The following TNKS variants were observed in gnomAD, a reference collection of about 807,000 sequenced individuals.
The protein encoded by TNKS is poly [ADP-ribose] polymerase tankyrase-1.
A neutral mutation model predicts 135.8 loss-of-function variants in TNKS; 72 were observed. The observed-to-expected ratio is 0.53, with a 90% confidence interval of 0.44 to 0.64. The LOEUF is 0.64. Ranked by LOEUF, TNKS falls within the 30% of genes least tolerant of loss-of-function variation. TNKS has a pLI of 0.00. For synonymous variants in TNKS, 849 were observed against 649.3 expected (o/e 1.31, Z -4.68); for missense variants, 1,769 against 1,674.0 (o/e 1.06, Z -0.99).
chr8:9,732,337 C>T (rs564438494), intron 14 of TNKS, among the ~76,000 whole-genome samples: 4 of 152,212 alleles, frequency 2.6e-5, no homozygotes, highest in Non-Finnish European at 2.9e-5. Flanking sequence ...TATTAATTCC[C>T]GTGTTCTGAG....
chr8:9,651,838 C>T (rs1205431186), intron 3 of TNKS, among the ~76,000 whole-genome samples: 1 of 152,156 alleles, frequency 6.6e-6, no homozygotes, highest in South Asian at 2.1e-4. Flanking sequence ...TAACATACTG[C>T]TGATCCTAGG....
In TNKS at chr8:9,647,472, C is replaced by T. The variant is rs924579090; in HGVS notation, c.994+31795C>T. Among the ~76,000 whole-genome samples, 17 of 152,018 alleles carry T rather than the reference C, an allele frequency of 1.1e-4. 1 individual carries two copies. Among genetic ancestry groups the T allele is most frequent in the Admixed American group, 2.0e-4 (3 of 15,260 alleles). ...CTTTTGCCACTGTTGAGCAAAAATACGGAAAAGTAAAATACTCTAAATGGA... is the reference window on the plus strand; with the variant it reads ...CTTTTGCCACTGTTGAGCAAAAATATGGAAAAGTAAAATACTCTAAATGGA... On this transcript the variant is annotated intron_variant, in intron 3 of 26. Transcript: ENST00000310430.
intron 21 of TNKS, 22 bp from the exon 22 acceptor site, chr8:9,763,125 T>C (rs796454263): frequency 1.4e-6 from 2 of 1,430,394 alleles, no homozygotes; most frequent in Non-Finnish European, 9.7e-7. Context: ...TTGTTTTATA[T>C]GTTAATTTTT....
At position 9,751,791 on chromosome 8, in the gene TNKS, A is replaced by AG; in HGVS notation, c.3017dup (p.Ala1007SerfsTer22). On this transcript the variant is annotated frameshift_variant, in exon 19 of 27. Transcript: ENST00000310430. LOFTEE classifies it high-confidence loss of function. Reference sequence around the variant, plus strand: ...GCCCTTTAGCAGAGTTGGCCGTAGGAGGAGCCTCCAATGCAGGGGATGGCG... The same window carrying AG: ...GCCCTTTAGCAGAGTTGGCCGTAGGAGGGAGCCTCCAATGCAGGGGATGGCG... The AG allele has an allele frequency of 6.2e-7, 1 of 1,614,174 alleles. No individual in the cohort carries two copies. Among genetic ancestry groups the AG allele is most frequent in the Non-Finnish European group, 8.5e-7 (1 of 1,180,018 alleles).
At chr8:9,677,880 A>C (rs1435827020) in intron 3 of TNKS, among the ~76,000 whole-genome samples, 1 of 151,726 alleles carries the variant, frequency 6.6e-6, no homozygotes, top group Non-Finnish European at 1.5e-5. Flanking sequence ...CCTTTCTTTC[A>C]CTGTGGTAGC....
intron 3 of TNKS, among the ~76,000 whole-genome samples, chr8:9,653,611 A>G (rs1801228497): frequency 1.3e-5 from 2 of 152,034 alleles, no homozygotes; most frequent in South Asian, 2.1e-4. Flanking sequence ...ATTCAGTCCC[A>G]TGAGGGAGAA....
At chr8:9,676,215 G>C (rs527903321) in intron 3 of TNKS, among the ~76,000 whole-genome samples, 6 of 152,098 alleles carry the variant, frequency 3.9e-5, no homozygotes, top group Admixed American at 3.9e-4. Flanking sequence ...GTTTCACCAT[G>C]TTGGCCAGGC....
chr8:9,595,118 G>A (rs1282157239), intron 2 of TNKS, among the ~76,000 whole-genome samples: 1 of 150,356 alleles, frequency 6.7e-6, no homozygotes, highest in African/African-American at 2.5e-5. Context: ...TATAAAACCT[G>A]AATTGGTATT....
intron 2 of TNKS, among the ~76,000 whole-genome samples, chr8:9,601,985 A>G (rs1479202932): frequency 1.1e-4 from 17 of 152,010 alleles, no homozygotes; most frequent in Admixed American, 1.1e-3. Context: ...GTCCATAGGA[A>G]CCTAAAGAGT....
chr8:9,763,863 C>G (rs1285068088), intron 22 of TNKS, among the ~76,000 whole-genome samples: 1 of 152,098 alleles, frequency 6.6e-6, no homozygotes, highest in East Asian at 1.9e-4. Context: ...ATGCACATAC[C>G]TAGGCAGAAA....
intron 13 of TNKS, among the ~76,000 whole-genome samples, chr8:9,730,689 T>C (rs993370088): frequency 1.3e-5 from 2 of 152,236 alleles, no homozygotes; most frequent in South Asian, 2.1e-4. Flanking sequence ...TAATTTGCTC[T>C]GTACATAATA....
intron 13 of TNKS, among the ~76,000 whole-genome samples, chr8:9,728,376 C>A (rs1463321310): frequency 6.6e-6 from 1 of 151,992 alleles, no homozygotes; most frequent in Non-Finnish European, 1.5e-5. Flanking sequence ...CTTTGCCATT[C>A]GAAAGAAAAC....
At chr8:9,696,301 A>C (rs1803511724) in intron 5 of TNKS, among the ~76,000 whole-genome samples, 2 of 152,166 alleles carry the variant, frequency 1.3e-5, no homozygotes, top group Non-Finnish European at 2.9e-5. Flanking sequence ...GAAAATAAGG[A>C]GTGTGGTGAA....
At chr8:9,617,990 T>G (rs1488527548) in intron 3 of TNKS, among the ~76,000 whole-genome samples, 4 of 124,390 alleles carry the variant, frequency 3.2e-5, no homozygotes, top group Non-Finnish European at 7.0e-5. Context: ...TTTGGTTTTT[T>G]TTTTTTTTTT....
At chr8:9,761,234 C>G in intron 20 of TNKS, among the ~76,000 whole-genome samples, 1 of 152,130 alleles carries the variant, frequency 6.6e-6, no homozygotes, top group Non-Finnish European at 1.5e-5. Context: ...ACAAAATAAT[C>G]TAAAGGAAAT....
chr8:9,650,117 C>G (rs1801088962), intron 3 of TNKS, among the ~76,000 whole-genome samples: 1 of 151,958 alleles, frequency 6.6e-6, no homozygotes. Context: ...GTTTCAAATT[C>G]CTGACCTCAG....
At chr8:9,615,023 A>T (rs1484964975) in intron 2 of TNKS, among the ~76,000 whole-genome samples, 1 of 152,150 alleles carries the variant, frequency 6.6e-6, no homozygotes, top group Non-Finnish European at 1.5e-5. Flanking sequence ...TCCTTTTTGC[A>T]GCTCCACGCC....
intron 5 of TNKS, among the ~76,000 whole-genome samples, chr8:9,687,457 T>C (rs1302555769): frequency 1.3e-5 from 2 of 152,218 alleles, no homozygotes; most frequent in East Asian, 3.8e-4. Flanking sequence ...TATATTCATT[T>C]TGTACCAATG....
chr8:9,735,371 A>G lies in TNKS; in HGVS notation c.2534-6A>G. The G allele has an allele frequency of 1.2e-6, 2 of 1,612,102 alleles. No homozygotes were observed. Among genetic ancestry groups the G allele is most frequent in the Non-Finnish European group, 8.5e-7 (1 of 1,178,386 alleles). ...ACGTTTCCTGTATTTTTTTTACTCT[A>G]AATAGCAGGCTATAATAACCTGGAA... is the stretch of plus-strand genomic sequence containing the variant. On this transcript the variant is annotated splice_polypyrimidine_tract_variant and splice_region_variant and intron_variant, in intron 16 of 26. Transcript: ENST00000310430.
Sources: allele counts gnomAD v4.1 joint callset (sites outside exome capture counted in the v4.1 genomes callset), GRCh38; gene constraint gnomAD v4.1.1; transcripts MANE v1.5; gene names NCBI Gene and HGNC (gene_info 2026-07-23, HGNC 2026-07-21).